Variants in PAX5 observed in about 807,000 individuals in gnomAD.
The protein encoded by PAX5 is paired box 5, also known as paired box protein Pax-5.
PAX5 carries 9 observed loss-of-function variants against 43.7 expected under a neutral mutation model. The observed-to-expected ratio is 0.21, with a 90% CI of 0.12 to 0.36. PAX5 has a LOEUF of 0.36. Among genes scored for constraint, PAX5 ranks in the 10% least tolerant of loss-of-function variants. PAX5 has a pLI of 1.00. For synonymous variants in PAX5, 228 were observed against 214.3 expected (o/e 1.06, Z -0.56); for missense variants, 383 against 532.7 (o/e 0.72, Z 2.77).
chr9:36,878,303 T>C (rs1826103081), intron 8 of PAX5, among the ~76,000 whole-genome samples: 1 of 152,042 alleles, frequency 6.6e-6, no homozygotes, highest in African/African-American at 2.4e-5. Flanking sequence ...ACTTGATACG[T>C]GTTAGGGGCC....
intron 5 of PAX5, among the ~76,000 whole-genome samples, chr9:36,999,985 G>C (rs1368853767): frequency 6.6e-6 from 1 of 152,058 alleles, no homozygotes; most frequent in Non-Finnish European, 1.5e-5. Context: ...CAGGTAGCTG[G>C]AAAATACCAG....
chr9:36,979,351 A>G (rs533312834), intron 5 of PAX5, among the ~76,000 whole-genome samples: 68 of 152,362 alleles, frequency 4.5e-4, no homozygotes, highest in Non-Finnish European at 9.3e-4. Flanking sequence ...AGGGCTCTTC[A>G]TTATTCATGG....
intron 6 of PAX5, among the ~76,000 whole-genome samples, chr9:36,937,837 C>T (rs1374906733): frequency 6.6e-6 from 1 of 152,202 alleles, no homozygotes; most frequent in East Asian, 1.9e-4. Flanking sequence ...GACAGCAGGG[C>T]TCCCATTTAA....
intron 3 of PAX5, among the ~76,000 whole-genome samples, chr9:37,008,557 T>C (rs76607759): frequency 0.058 from 8,859 of 152,228 alleles, 677 homozygotes; most frequent in East Asian, 0.18. Context: ...TTTCTGATCT[T>C]ACAGCTTGGT....
rs1333146659 is a variant in PAX5 at position 37,006,495 on chromosome 9, G to A, written c.453C>T (p.Val151=). 3 of 1,613,912 alleles carry A rather than the reference G, an allele frequency of 1.9e-6. No homozygotes were observed. The highest frequency in any genetic ancestry group is 2.5e-6 in the Non-Finnish European group (3 of 1,179,922). ...TKVQQPPNQP[V]PASSHSIVST... Reference sequence around the variant, plus strand: ...TACCTATGCTGTGACTGGAAGCTGGGACTGGTTGGTTGGGTGGCTGCTGTA... The same window carrying A: ...TACCTATGCTGTGACTGGAAGCTGGAACTGGTTGGTTGGGTGGCTGCTGTA... The change falls in exon 4 of 10, where the codon GTC becomes GTT. Residue 151 remains valine (V), a synonymous_variant. Coordinates refer to ENST00000358127, the MANE Select transcript of PAX5 (RefSeq NM_016734.3).
intron 6 of PAX5, among the ~76,000 whole-genome samples, chr9:36,936,808 A>G (rs1439020375): frequency 6.6e-6 from 1 of 150,794 alleles, no homozygotes; most frequent in Non-Finnish European, 1.5e-5. Flanking sequence ...CCATGTGGGA[A>G]CCTGCAGGCA....
intron 1 of PAX5, chr9:37,026,685 G>C (rs1840413244): frequency 1.5e-6 from 2 of 1,322,318 alleles, no homozygotes; most frequent in Non-Finnish European, 9.8e-7. Flanking sequence ...TGCGAGCTGG[G>C]CTCAGAAAAC....
At chr9:36,901,182 C>T (rs1008730139) in intron 7 of PAX5, among the ~76,000 whole-genome samples, 14 of 152,120 alleles carry the variant, frequency 9.2e-5, no homozygotes, top group Admixed American at 9.2e-4. Flanking sequence ...GCTCCCAGCA[C>T]CTGCAAGGTC....
At chr9:37,009,596 G>C (rs578028357) in intron 3 of PAX5, among the ~76,000 whole-genome samples, 3 of 152,162 alleles carry the variant, frequency 2.0e-5, no homozygotes, top group Admixed American at 1.3e-4. Context: ...TAGAAAGAAT[G>C]AATAAGACCT....
chr9:37,027,101 C>T (rs1840464486), intron 1 of PAX5, among the ~76,000 whole-genome samples: 1 of 152,250 alleles, frequency 6.6e-6, no homozygotes, highest in Non-Finnish European at 1.5e-5. Flanking sequence ...CTTTCTTTCT[C>T]TGCTTCTCCG....
intron 5 of PAX5, among the ~76,000 whole-genome samples, chr9:36,999,500 G>A (rs189267450): frequency 2.0e-5 from 3 of 152,326 alleles, no homozygotes; most frequent in East Asian, 1.9e-4. Context: ...GCAGGAGGGT[G>A]GCCCCAGGAA....
At chr9:36,865,433 T>G (rs551494689) in intron 8 of PAX5, among the ~76,000 whole-genome samples, 1 of 152,164 alleles carries the variant, frequency 6.6e-6, no homozygotes, top group Non-Finnish European at 1.5e-5. Context: ...CATTCAGTCA[T>G]TTCTGTGCCC....
intron 1 of PAX5, chr9:37,026,394 G>C (rs1388365413): frequency 1.5e-6 from 1 of 689,034 alleles, no homozygotes; most frequent in African/African-American, 1.9e-5. Flanking sequence ...CCCTGCCTGG[G>C]ATCCCTGCAC....
At chr9:37,010,737 C>CG (rs1838852168) in intron 3 of PAX5, among the ~76,000 whole-genome samples, 1 of 152,170 alleles carries the variant, frequency 6.6e-6, no homozygotes, top group South Asian at 2.1e-4. Flanking sequence ...ACTGATCAAA[C>CG]TGCCATCAGT....
intron 6 of PAX5, among the ~76,000 whole-genome samples, chr9:36,934,300 C>T (rs988690209): frequency 4.7e-4 from 71 of 152,306 alleles, no homozygotes; most frequent in African/African-American, 1.7e-3. Flanking sequence ...GGAGGGCAGG[C>T]CTTTTGCGTT....
At chr9:36,936,626 T>G (rs778479533) in intron 6 of PAX5, among the ~76,000 whole-genome samples, 11 of 152,152 alleles carry the variant, frequency 7.2e-5, no homozygotes, top group Non-Finnish European at 1.2e-4. Flanking sequence ...ACTCTCATAG[T>G]TCACATTCTT....
At chr9:36,860,647 A>G (rs1050887204) in intron 8 of PAX5, among the ~76,000 whole-genome samples, 2 of 152,172 alleles carry the variant, frequency 1.3e-5, no homozygotes, top group Admixed American at 1.3e-4. Flanking sequence ...CTTGTTAAAG[A>G]GTTTCGCTAG....
Position 36,960,055 on chromosome 9 carries a change from C to A in PAX5, c.780+6494G>T, listed in dbSNP as rs533531621. 2.0e-5 allele frequency among the ~76,000 whole-genome samples: 3 copies of A among 152,234 alleles called. No homozygotes were observed. The South Asian group carries it at 6.2e-4, about 32-fold the overall frequency. On this transcript the variant is annotated intron_variant, in intron 6 of 9. Coordinates refer to ENST00000358127, the MANE Select transcript of PAX5 (RefSeq NM_016734.3). ...CAATTACTACAGCAATCACTAAAAC[C>A]CAATATATTTATGAGCTCAGATAAG...
At chr9:36,883,717 C>T (rs2131776205) in intron 7 of PAX5, among the ~76,000 whole-genome samples, 1 of 151,758 alleles carries the variant, frequency 6.6e-6, no homozygotes, top group South Asian at 2.1e-4. Flanking sequence ...AAGCAGACAA[C>T]AATACATCAG....
Sources: allele counts gnomAD v4.1 joint callset (sites outside exome capture counted in the v4.1 genomes callset), GRCh38; gene constraint gnomAD v4.1.1; transcripts MANE v1.5; gene names NCBI Gene and HGNC (gene_info 2026-07-23, HGNC 2026-07-21).